EIF5B: variants seen among roughly 807,000 people sequenced by gnomAD.
EIF5B encodes eIF-5B.
EIF5B carries 47 observed loss-of-function variants against 147.5 expected under a neutral mutation model. The observed-to-expected ratio is 0.32, with a 90% CI of 0.25 to 0.41. The LOEUF (loss-of-function observed/expected upper bound fraction) is 0.41, where lower values mean the gene tolerates loss of function less well. EIF5B is among the 10% of genes least tolerant of loss of function. The pLI, the probability that EIF5B is intolerant of heterozygous loss-of-function variation, is 1.00. For missense variants in EIF5B, 1,064 were observed against 1,413.2 expected, an observed-to-expected ratio of 0.75 and a Z score of 3.96; for synonymous variants, 455 against 456.2, an observed-to-expected ratio of 1.00 and a Z score of 0.03.
chr2:99,339,201 C>CG (rs1366605345), intron 1 of EIF5B, among the ~76,000 whole-genome samples: 4 of 151,252 alleles, frequency 2.6e-5, no homozygotes, highest in African/African-American at 7.3e-5. Flanking sequence ...TTAGTAGAGA[C>CG]GGGGTTACTC....
chr2:99,369,411 A>G lies in EIF5B; in HGVS notation c.1407A>G (p.Leu469=), dbSNP rs745423759. ...TTTCAGTGTCTGAATCAATGGAATT[A>G]TGTGCTGCTGTAGAAGTTATGGAAC... ...ESKEVSESME[L]CAAVEVMEQG... Residue 469 remains leucine (L), a synonymous_variant, in exon 8 of 24, where the codon TTA becomes TTG. Transcript: ENST00000289371. 1 of 1,611,178 alleles carries G rather than the reference A, an allele frequency of 6.2e-7. No homozygotes were observed. Among genetic ancestry groups the G allele is most frequent in the Non-Finnish European group, 8.5e-7 (1 of 1,178,310 alleles).
intron 8 of EIF5B, among the ~76,000 whole-genome samples, chr2:99,370,526 AT>A: frequency 6.6e-6 from 1 of 152,158 alleles, no homozygotes; most frequent in Admixed American, 6.6e-5. Context: ...ATATGACGAG[AT>A]TAGAGAAATT....
intron 23 of EIF5B, 109 bp from the exon 24 acceptor site, chr2:99,399,198 A>T: frequency 1.9e-6 from 2 of 1,080,368 alleles, no homozygotes; most frequent in Admixed American, 2.4e-5. Context: ...CCTGTTTTTT[A>T]TTTCTGCTTA....
rs1487309194 is a variant in EIF5B, at chr2:99,400,171, T to TACA, written c.*757_*758insACA. Reference sequence around the variant, plus strand: ...AAACTAAACTATCATCACACTACCTTGTATGCCAGCACCTGGTAACAGTAG... The same window carrying TACA: ...AAACTAAACTATCATCACACTACCTTACAGTATGCCAGCACCTGGTAACAGTAG... On this transcript the variant is annotated 3_prime_UTR_variant, in exon 24 of 24. Transcript: ENST00000289371. 6.6e-6 allele frequency: 1 copy of TACA among 152,146 alleles called. No homozygotes were observed. Among genetic ancestry groups the TACA allele is most frequent in the Non-Finnish European group, 1.5e-5 (1 of 68,030 alleles). The allele number at this position is 152,146 out of a possible 1,614,324, so 9.4% of individuals were successfully genotyped here.
chr2:99,347,486 T>G (rs955667264), intron 1 of EIF5B, among the ~76,000 whole-genome samples: 1 of 151,970 alleles, frequency 6.6e-6, no homozygotes, highest in Non-Finnish European at 1.5e-5. Flanking sequence ...GGTGAGGGTC[T>G]GAGATTCTGC....
chr2:99,341,317 A>G (rs1051104679), intron 1 of EIF5B, among the ~76,000 whole-genome samples: 1 of 152,242 alleles, frequency 6.6e-6, no homozygotes, highest in Non-Finnish European at 1.5e-5. Flanking sequence ...CTTTTGGTCT[A>G]GCCTGTTCCT....
chr2:99,399,856 C>T lies in EIF5B; in HGVS notation c.*442C>T, dbSNP rs1301464412. The T allele has an allele frequency of 6.4e-6, 1 of 155,136 alleles. No individual in the cohort carries two copies. Among genetic ancestry groups the T allele is most frequent in the Non-Finnish European group, 1.4e-5 (1 of 69,478 alleles). The allele number at this position is 155,136 out of a possible 1,614,324, so 9.6% of individuals were successfully genotyped here. A position where few individuals can be genotyped will look rare whatever the true frequency, so the allele number is the denominator to read the frequency against. ...TCTTTATTTATGCATATTCTTCCCA[C>T]AGTGATTTTTCCAGCATTCTTCTGC... On this transcript the variant is annotated 3_prime_UTR_variant, in exon 24 of 24. Transcript: ENST00000289371.
At position 99,337,570 on chromosome 2, in the gene EIF5B, A is replaced by G; in HGVS notation, c.16A>G (p.Lys6Glu). 1 of 1,613,128 alleles carries G rather than the reference A, an allele frequency of 6.2e-7. No individual in the cohort carries two copies. The highest frequency in any genetic ancestry group is 8.5e-7 in the Non-Finnish European group (1 of 1,179,618). Reference sequence around the variant, plus strand: ...TTGACAAGCAATGGGGAAGAAACAGAAAAACAAGAGCGAAGACAGGTAGAT... The same window carrying G: ...TTGACAAGCAATGGGGAAGAAACAGGAAAACAAGAGCGAAGACAGGTAGAT... The part of the protein sequence containing the change: MGKKQ[K>E]NKSEDSTKDD... The change falls in exon 1 of 24, where the codon AAA becomes GAA. Residue 6 changes from lysine to glutamate, a missense_variant. This residue lies in a region of EIF5B where 458 missense variants were observed against 451.3 expected (regional missense o/e 1.01). Transcript: ENST00000289371.
chr2:99,377,788 T>C (rs2104220132), intron 10 of EIF5B, among the ~76,000 whole-genome samples: 1 of 152,270 alleles, frequency 6.6e-6, no homozygotes, highest in East Asian at 1.9e-4. Context: ...GGGGAAATGT[T>C]CAGTCCATAA....
intron 14 of EIF5B, among the ~76,000 whole-genome samples, chr2:99,386,990 A>G (rs1674822208): frequency 6.6e-6 from 1 of 152,180 alleles, no homozygotes; most frequent in African/African-American, 2.4e-5. Context: ...AGCTCACTGC[A>G]GCTCTACCTC....
intron 1 of EIF5B, among the ~76,000 whole-genome samples, chr2:99,340,217 G>A (rs1040113311): frequency 3.3e-5 from 5 of 152,180 alleles, no homozygotes; most frequent in African/African-American, 1.2e-4. Flanking sequence ...TGCTTTGTGA[G>A]TCAGCTTTTT....
intron 9 of EIF5B, among the ~76,000 whole-genome samples, chr2:99,375,408 A>G (rs1674541250): frequency 6.6e-6 from 1 of 152,220 alleles, no homozygotes; most frequent in South Asian, 2.1e-4. Context: ...TCTGCCAATA[A>G]TGGGGAGATC....
At chr2:99,338,918 G>GTGTGTGTATATATATT (rs2094251032) in intron 1 of EIF5B, among the ~76,000 whole-genome samples, 1 of 43,168 alleles carries the variant, frequency 2.3e-5, no homozygotes, top group African/African-American at 5.8e-5. Context: ...TACTAGAAGT[G>GTGTGTGTATATATATT]TGTGTATATA....
intron 12 of EIF5B, among the ~76,000 whole-genome samples, chr2:99,381,884 CT>C (rs746260696): frequency 6.6e-6 from 1 of 152,128 alleles, no homozygotes; most frequent in African/African-American, 2.4e-5. Context: ...TCACCACTTA[CT>C]TAATAATCTG....
At chr2:99,386,275 G>C (rs1674804258) in intron 14 of EIF5B, among the ~76,000 whole-genome samples, 1 of 152,206 alleles carries the variant, frequency 6.6e-6, no homozygotes, top group African/African-American at 2.4e-5. Flanking sequence ...TATGCTTAGA[G>C]AGATGACCAT....
In EIF5B at chr2:99,401,317, A is replaced by G. The variant is rs753772487; in HGVS notation, c.*1903A>G. 1 of 1,613,888 alleles carries G rather than the reference A, an allele frequency of 6.2e-7. No individual in the cohort carries two copies. On this transcript the variant is annotated 3_prime_UTR_variant, in exon 24 of 24. Transcript: ENST00000289371. ...ATTGTCAAGAATAAAGTCAAATGCC[A>G]TATTCCAAACCGATTCCACCGATTG...
chr2:99,338,922 G>GTGTATATATA lies in EIF5B; in HGVS notation c.35+1334_35+1335insGTATATATAT, dbSNP rs10644172. On this transcript the variant is annotated intron_variant, in intron 1 of 23. Transcript: ENST00000289371. Reference sequence around the variant, plus strand: ...TTCATCCCACCTACTAGAAGTGTGTGTATATATATATATATACAAATATAT... The same window carrying GTGTATATATA: ...TTCATCCCACCTACTAGAAGTGTGTGTGTATATATATATATATATATATATACAAATATAT... Among the ~76,000 whole-genome samples, 6 of 142,312 alleles carry GTGTATATATA rather than the reference G, an allele frequency of 4.2e-5. 1 individual carries two copies. The East Asian group carries it at 1.0e-3, about 24-fold the overall frequency. The allele number at this position is 142,312 out of a possible 152,430, so 93.4% of individuals were successfully genotyped here. A position where few individuals can be genotyped will look rare whatever the true frequency, so the allele number is the denominator to read the frequency against.
Position 99,390,597 on chromosome 2 carries a change from G to T in EIF5B, c.2640G>T (p.Gly880=). ...CTATAGATGTCATCTTGATCAATGG[G>T]CGTTTGAAGGAAGGAGATACAATCA... ...GTTIDVILIN[G]RLKEGDTIIV... Residue 880 remains glycine (G), a synonymous_variant, in exon 17 of 24, where the codon GGG becomes GGT. Coordinates refer to ENST00000289371, the MANE Select transcript of EIF5B (RefSeq NM_015904.4). 6.2e-7 allele frequency: 1 copy of T among 1,613,020 alleles called. No homozygotes were observed. Among genetic ancestry groups the T allele is most frequent in the Non-Finnish European group, 8.5e-7 (1 of 1,179,164 alleles).
At chr2:99,338,105 T>C (rs1157849223) in intron 1 of EIF5B, among the ~76,000 whole-genome samples, 1 of 152,206 alleles carries the variant, frequency 6.6e-6, no homozygotes, top group African/African-American at 2.4e-5. Context: ...CTGATTTGGA[T>C]ACAGTTTTCG....
Sources: allele counts gnomAD v4.1 joint callset (sites outside exome capture counted in the v4.1 genomes callset), GRCh38; gene constraint gnomAD v4.1.1; regional missense constraint gnomAD v4.1.1; transcripts MANE v1.5; gene names NCBI Gene and HGNC (gene_info 2026-07-23, HGNC 2026-07-21).